The following TMEM132B variants were observed in gnomAD, a reference collection of about 807,000 sequenced individuals.
TMEM132B encodes the protein transmembrane protein 132B.
Under a neutral mutation model 90.8 loss-of-function variants are expected in TMEM132B, and 18 were observed. The observed-to-expected ratio is 0.20, with a 90% confidence interval of 0.14 to 0.29. The LOEUF is 0.29. Among genes scored for constraint, TMEM132B ranks in the 10% least tolerant of loss-of-function variants. The probability of loss-of-function intolerance (pLI) is 1.00; values close to 1 mark genes in which losing one functional copy is unlikely to be tolerated. For missense variants in TMEM132B, 1,096 were observed against 1,326.8 expected (o/e 0.83, Z 2.70); for synonymous variants, 504 against 523.3 (o/e 0.96, Z 0.50).
chr12:125,348,285 A>C (rs1877429681), intron 1 of TMEM132B, among the ~76,000 whole-genome samples: 1 of 152,162 alleles, frequency 6.6e-6, no homozygotes, highest in Admixed American at 6.5e-5. Flanking sequence ...GTGAATATTG[A>C]CAGCACATTT....
chr12:125,621,422 A>C (rs1052480528), intron 5 of TMEM132B, among the ~76,000 whole-genome samples: 5 of 152,118 alleles, frequency 3.3e-5, no homozygotes, highest in Non-Finnish European at 5.9e-5. Flanking sequence ...TGTTAGGTGC[A>C]TGTTGGTGGG....
intron 4 of TMEM132B, among the ~76,000 whole-genome samples, chr12:125,553,574 G>A (rs950294711): frequency 6.6e-6 from 1 of 152,200 alleles, no homozygotes; most frequent in Admixed American, 6.5e-5. Flanking sequence ...GGGGTCTGAC[G>A]GAGGAAAGTC....
At chr12:125,313,818 T>A (rs901151413) in intron 1 of TMEM132B, among the ~76,000 whole-genome samples, 1 of 147,888 alleles carries the variant, frequency 6.8e-6, no homozygotes, top group Non-Finnish European at 1.5e-5. Context: ...AAACTTTGTG[T>A]CATGCTCTTG....
intron 1 of TMEM132B, among the ~76,000 whole-genome samples, chr12:125,281,134 C>G (rs1008991721): frequency 2.0e-5 from 3 of 152,178 alleles, no homozygotes; most frequent in African/African-American, 4.8e-5. Context: ...CAGGGCATGC[C>G]TCCCTAGTGG....
At chr12:125,416,849 A>G (rs1057320391) in intron 3 of TMEM132B, among the ~76,000 whole-genome samples, 9 of 152,112 alleles carry the variant, frequency 5.9e-5, no homozygotes, top group Non-Finnish European at 1.0e-4. Context: ...TGCTTGACCC[A>G]TGGTTTCCCT....
At position 125,600,865 on chromosome 12, in the gene TMEM132B, CAAAG is replaced by C. The variant is rs1885553314; in HGVS notation, c.1437+16874_1437+16877del. On this transcript the variant is annotated intron_variant, in intron 5 of 8. Transcript: ENST00000682704. ...CAAACCAACAAAGATAAAAAAAAGA[CAAAG>C]AAGGGCATTACATCATGGTAAAGGG... Among the ~76,000 whole-genome samples, 3 of 152,176 alleles carry C rather than the reference CAAAG, an allele frequency of 2.0e-5. No individual in the cohort carries two copies. The South Asian group carries it at 6.2e-4, about 32-fold the overall frequency.
chr12:125,539,465 A>G (rs1883898829), intron 4 of TMEM132B, among the ~76,000 whole-genome samples: 1 of 152,098 alleles, frequency 6.6e-6, no homozygotes, highest in Non-Finnish European at 1.5e-5. Context: ...TGTGACACCC[A>G]TCTGGTTTCT....
Position 125,418,269 on chromosome 12 carries a change from A to G in TMEM132B, c.1106+2592A>G, listed in dbSNP as rs530408771. 3.7e-4 allele frequency among the ~76,000 whole-genome samples: 56 copies of G among 152,328 alleles called. No individual in the cohort carries two copies. The East Asian group carries it at 0.01, about 28-fold the overall frequency. ...GCATTCTCTTTAGAAAAGATAAAAA[A>G]AAAGGTTACAGGGGAAAAAAGTAAA... On this transcript the variant is annotated intron_variant, in intron 3 of 8. Coordinates refer to ENST00000682704, the MANE Select transcript of TMEM132B (RefSeq NM_001366854.1).
At chr12:125,433,883 C>T (rs202057925) in intron 3 of TMEM132B, among the ~76,000 whole-genome samples, 10 of 152,006 alleles carry the variant, frequency 6.6e-5, no homozygotes, top group East Asian at 1.9e-4. Context: ...CTTTTCCTTT[C>T]GTATGTGTTA....
intron 1 of TMEM132B, among the ~76,000 whole-genome samples, chr12:125,193,894 GCAGAGGAGCT>G (rs1206466799): frequency 6.6e-6 from 1 of 152,246 alleles, no homozygotes; most frequent in Non-Finnish European, 1.5e-5. Flanking sequence ...GAGAAATGAA[GCAGAGGAGCT>G]CAGAGGAGCT....
intron 3 of TMEM132B, among the ~76,000 whole-genome samples, chr12:125,504,536 A>G (rs989774003): frequency 2.6e-5 from 4 of 152,140 alleles, no homozygotes; most frequent in African/African-American, 9.7e-5. Context: ...TTCATCTTTT[A>G]CCTGTTACTG....
intron 3 of TMEM132B, among the ~76,000 whole-genome samples, chr12:125,493,615 T>C (rs11058205): frequency 0.091 from 13,818 of 152,126 alleles, 700 homozygotes; most frequent in South Asian, 0.16. Flanking sequence ...TTCACCTGGG[T>C]TCTCTTGCTG....
At chr12:125,593,904 T>C (rs1275183957) in intron 5 of TMEM132B, among the ~76,000 whole-genome samples, 1 of 152,232 alleles carries the variant, frequency 6.6e-6, no homozygotes, top group Non-Finnish European at 1.5e-5. Context: ...AACAGCTTTA[T>C]AGAGGTGTAA....
intron 3 of TMEM132B, among the ~76,000 whole-genome samples, chr12:125,453,898 G>A (rs1289506069): frequency 6.6e-6 from 1 of 152,136 alleles, no homozygotes; most frequent in Non-Finnish European, 1.5e-5. Context: ...CAATCACGGT[G>A]CCTTTTTGGA....
chr12:125,472,794 T>A (rs1177823918), intron 3 of TMEM132B, among the ~76,000 whole-genome samples: 1 of 152,142 alleles, frequency 6.6e-6, no homozygotes, highest in Non-Finnish European at 1.5e-5. Flanking sequence ...AGTCTACTGG[T>A]GCCTTGATCT....
At chr12:125,510,427 C>A (rs1008447428) in intron 3 of TMEM132B, among the ~76,000 whole-genome samples, 2 of 151,938 alleles carry the variant, frequency 1.3e-5, no homozygotes, top group Non-Finnish European at 2.9e-5. Context: ...ATGGGTTGGC[C>A]GACTGATTAT....
chr12:125,495,270 C>T (rs1215758893), intron 3 of TMEM132B, among the ~76,000 whole-genome samples: 2 of 112,832 alleles, frequency 1.8e-5, no homozygotes, highest in African/African-American at 3.4e-5. Flanking sequence ...TAAATGGCTG[C>T]GTCCCTCCTC....
chr12:125,190,747 G>T (rs1872753379), intron 1 of TMEM132B, among the ~76,000 whole-genome samples: 1 of 35,302 alleles, frequency 2.8e-5, no homozygotes, highest in Non-Finnish European at 5.8e-5. Flanking sequence ...ATGGTGATGG[G>T]GAAGGGTGGT....
At chr12:125,325,669 CTG>C (rs59220510) in intron 1 of TMEM132B, among the ~76,000 whole-genome samples, 6,059 of 124,110 alleles carry the variant, frequency 0.049, 144 homozygotes, top group East Asian at 0.1. Context: ...GCCTCCCACC[CTG>C]TGTGTGTGTG....
Sources: gnomAD v4.1 joint callset for allele counts (sites outside exome capture counted in the v4.1 genomes callset) on GRCh38, gnomAD v4.1.1 for gene constraint, MANE v1.5 for transcripts, NCBI Gene and HGNC (gene_info 2026-07-23, HGNC 2026-07-21) for gene names.